The following FHIT variants were observed in gnomAD, a reference collection of about 807,000 sequenced individuals.
The protein encoded by FHIT is fragile histidine triad diadenosine triphosphatase, also known as bis(5'-adenosyl)-triphosphatase.
FHIT carries 19 observed loss-of-function variants against 17.9 expected under a neutral mutation model. The ratio of observed to expected loss-of-function variants is 1.06; its 90% CI spans 0.74 to 1.56. The LOEUF is 1.56. Among genes scored for constraint, FHIT ranks in the 40% most tolerant of loss-of-function variants. FHIT has a pLI of 0.00. For synonymous variants in FHIT, 81 were observed against 69.7 expected, an observed-to-expected ratio of 1.16 and a Z score of -0.81; for missense variants, 248 against 189.2, an observed-to-expected ratio of 1.31 and a Z score of -1.82.
At chr3:59,974,372 T>C (rs980763636) in intron 7 of FHIT, among the ~76,000 whole-genome samples, 2 of 152,204 alleles carry the variant, frequency 1.3e-5, no homozygotes, top group Admixed American at 1.3e-4. Flanking sequence ...TGCTTCTAAA[T>C]GTGTTGGTTA....
rs577767249 is a variant in FHIT at position 61,127,983 on chromosome 3, C to T, written c.-164+72634G>A. 1.5e-4 allele frequency among the ~76,000 whole-genome samples: 23 copies of T among 152,206 alleles called. No homozygotes were observed. The South Asian group carries it at 2.1e-3, about 14-fold the overall frequency. On this transcript the variant is annotated intron_variant, in intron 2 of 9. Coordinates refer to ENST00000492590, the MANE Select transcript of FHIT (RefSeq NM_002012.4). ...GATTTTAAAAGAGGCTTTGTTAAAA[C>T]GAAAGTATTAAACGGGTAAAAAATA...
chr3:60,505,970 T>A (rs1051296941), intron 5 of FHIT, among the ~76,000 whole-genome samples: 1 of 152,204 alleles, frequency 6.6e-6, no homozygotes, highest in Non-Finnish European at 1.5e-5. Context: ...TAGAAGAAAC[T>A]ATTAGGCCAT....
In FHIT at chr3:60,255,721, A is replaced by G. The variant is rs373028766; in HGVS notation, c.104-241569T>C. On this transcript the variant is annotated intron_variant, in intron 5 of 9. Transcript: ENST00000492590. The stretch of plus-strand genomic sequence containing the variant: ...AAACAGTCAGTGGCCTCCAGGAGGA[A>G]CCATGAGACATTAGTCTGCAGCCTT... Among the ~76,000 whole-genome samples the G allele has an allele frequency of 1.8e-3, 268 of 152,294 alleles. 1 individual carries two copies. Among genetic ancestry groups the G allele is most frequent in the African/African-American group, 6.3e-3 (260 of 41,564 alleles).
chr3:59,973,101 C>A (rs556260017), intron 7 of FHIT, among the ~76,000 whole-genome samples: 37 of 152,194 alleles, frequency 2.4e-4, no homozygotes, highest in African/African-American at 8.2e-4. Context: ...CTTCTCACTG[C>A]TTCCCATGAT....
chr3:60,762,436 G>A (rs1469964772), intron 4 of FHIT, among the ~76,000 whole-genome samples: 1 of 152,148 alleles, frequency 6.6e-6, no homozygotes, highest in Non-Finnish European at 1.5e-5. Flanking sequence ...TGATGCCCAG[G>A]GATGGAGTAG....
At chr3:60,330,555 C>G (rs918713154) in intron 5 of FHIT, among the ~76,000 whole-genome samples, 1 of 152,214 alleles carries the variant, frequency 6.6e-6, no homozygotes, top group Non-Finnish European at 1.5e-5. Context: ...ACCTGTTTAT[C>G]TGCCATGATT....
intron 4 of FHIT, among the ~76,000 whole-genome samples, chr3:60,584,271 C>T (rs1379684188): frequency 1.3e-5 from 2 of 152,002 alleles, no homozygotes; most frequent in Non-Finnish European, 2.9e-5. Context: ...AATGTGTATT[C>T]ACAAGTGTTA....
intron 7 of FHIT, among the ~76,000 whole-genome samples, chr3:59,996,690 T>C (rs1404692838): frequency 6.6e-6 from 1 of 152,108 alleles, no homozygotes; most frequent in East Asian, 1.9e-4. Context: ...GAAAGCCTGG[T>C]GGGTATTAGA....
chr3:59,975,583 T>C (rs555675224), intron 7 of FHIT, among the ~76,000 whole-genome samples: 1 of 152,034 alleles, frequency 6.6e-6, no homozygotes, highest in Non-Finnish European at 1.5e-5. Flanking sequence ...GTACAAAGAA[T>C]GCTTCTGCTT....
intron 4 of FHIT, among the ~76,000 whole-genome samples, chr3:60,665,602 T>A (rs181076257): frequency 0.025 from 3,842 of 152,158 alleles, 73 homozygotes; most frequent in South Asian, 0.06. Context: ...CCTGTTTTTT[T>A]AAAAATTAAT....
At chr3:60,875,924 TG>T (rs1704632465) in intron 3 of FHIT, among the ~76,000 whole-genome samples, 1 of 4,402 alleles carries the variant, frequency 2.3e-4, no homozygotes, top group African/African-American at 4.3e-4. Context: ...AACTTATTCA[TG>T]TGTGTGTGTG....
At chr3:60,132,237 C>T (rs1203557329) in intron 5 of FHIT, among the ~76,000 whole-genome samples, 1 of 152,130 alleles carries the variant, frequency 6.6e-6, no homozygotes, top group African/African-American at 2.4e-5. Context: ...TCCATCTCCA[C>T]GTGTGTGTGT....
chr3:60,105,234 G>C (rs1028586401), intron 5 of FHIT, among the ~76,000 whole-genome samples: 63 of 152,096 alleles, frequency 4.1e-4, no homozygotes, highest in African/African-American at 1.5e-3. Context: ...TCTGAGTATA[G>C]GCTGCCTGCC....
intron 5 of FHIT, among the ~76,000 whole-genome samples, chr3:60,409,627 A>G (rs993394260): frequency 6.6e-6 from 1 of 152,210 alleles, no homozygotes; most frequent in African/African-American, 2.4e-5. Flanking sequence ...ATCTAGTTAC[A>G]GTTTACTCAA....
chr3:60,435,862 A>T (rs774044468), intron 5 of FHIT, among the ~76,000 whole-genome samples: 3 of 151,930 alleles, frequency 2.0e-5, no homozygotes, highest in Non-Finnish European at 4.4e-5. Context: ...CTATGTGTCC[A>T]TGTGTTCTCA....
chr3:59,997,958 CA>C (rs1699583062), intron 7 of FHIT, among the ~76,000 whole-genome samples: 2 of 152,016 alleles, frequency 1.3e-5, no homozygotes, highest in African/African-American at 4.8e-5. Flanking sequence ...TAAGTTTCAG[CA>C]AAATTTAGTC....
chr3:60,240,138 C>G (rs1345858950), intron 5 of FHIT, among the ~76,000 whole-genome samples: 1 of 152,122 alleles, frequency 6.6e-6, no homozygotes, highest in African/African-American at 2.4e-5. Flanking sequence ...CAATATGCAT[C>G]TCCCTACCAC....
chr3:61,203,748 T>C (rs1037540480), intron 1 of FHIT, among the ~76,000 whole-genome samples: 14 of 152,204 alleles, frequency 9.2e-5, no homozygotes, highest in African/African-American at 3.1e-4. Flanking sequence ...TAATAAATTG[T>C]TTACAAGGAG....
intron 4 of FHIT, among the ~76,000 whole-genome samples, chr3:60,723,503 A>C (rs1280789635): frequency 6.6e-6 from 1 of 152,208 alleles, no homozygotes; most frequent in African/African-American, 2.4e-5. Context: ...ATCAGCTCCC[A>C]GCAGTAGCCT....
Sources: gnomAD v4.1 joint callset for allele counts (sites outside exome capture counted in the v4.1 genomes callset) on GRCh38, gnomAD v4.1.1 for gene constraint, MANE v1.5 for transcripts, NCBI Gene and HGNC (gene_info 2026-07-23, HGNC 2026-07-21) for gene names.